The following TSPAN14 variants were observed in gnomAD, a reference collection of about 807,000 sequenced individuals.
The protein encoded by TSPAN14 is tetraspanin-14.
TSPAN14 carries 16 observed loss-of-function variants against 36.6 expected under a neutral mutation model. The ratio of observed to expected loss-of-function variants is 0.44; its 90% CI spans 0.30 to 0.66. The LOEUF (loss-of-function observed/expected upper bound fraction) is 0.66, where lower values mean the gene tolerates loss of function less well. Ranked by LOEUF, TSPAN14 falls within the 30% of genes least tolerant of loss-of-function variation. The pLI is 0.12. For synonymous variants in TSPAN14, 139 were observed against 143.8 expected (o/e 0.97, Z 0.24); for missense variants, 231 against 355.1 (o/e 0.65, Z 2.81).
rs1176896336 is a variant in TSPAN14, at chr10:80,509,343, G to A, written c.322G>A (p.Val108Met). The change falls in exon 5 of 9, where the codon GTG becomes ATG. Residue 108 changes from valine to methionine, a missense_variant. Transcript: ENST00000429989. This position sits in a 1 kb window ranked among gnomAD's most constrained non-coding sequence, Gnocchi z 4.7. ...GCTCATCTTCTTCCTGGAGCTGGCT[G>A]TGGCCGTGCTGGCCTTCCTGTTCCA... 6.2e-7 allele frequency: 1 copy of A among 1,614,144 alleles called. No individual in the cohort carries two copies. Among genetic ancestry groups the A allele is most frequent in the East Asian group, 2.2e-5 (1 of 44,874 alleles).
At chr10:80,508,813 C>T (rs911381895) in intron 4 of TSPAN14, among the ~76,000 whole-genome samples, 2 of 152,126 alleles carry the variant, frequency 1.3e-5, no homozygotes, top group African/African-American at 2.4e-5. Context: ...GTAACAGATA[C>T]GTAGGCACTC....
intron 2 of TSPAN14, among the ~76,000 whole-genome samples, chr10:80,492,968 A>C (rs1263862690): frequency 1.3e-5 from 2 of 152,184 alleles, no homozygotes; most frequent in African/African-American, 4.8e-5. Context: ...TGTGGATGCC[A>C]CTGATGTTTG....
At chr10:80,470,615 C>T (rs1450099700) in intron 1 of TSPAN14, among the ~76,000 whole-genome samples, 1 of 152,228 alleles carries the variant, frequency 6.6e-6, no homozygotes, top group Non-Finnish European at 1.5e-5. Flanking sequence ...GAGAACACTT[C>T]AAATCTACAT....
chr10:80,475,651 G>C (rs111772182), intron 1 of TSPAN14, among the ~76,000 whole-genome samples: 77 of 152,210 alleles, frequency 5.1e-4, no homozygotes, highest in African/African-American at 1.8e-3. Context: ...GCAGTGGCGC[G>C]ATCTTGGCTC....
intron 2 of TSPAN14, among the ~76,000 whole-genome samples, chr10:80,491,543 A>G (rs977711336): frequency 1.3e-5 from 2 of 152,102 alleles, no homozygotes; most frequent in South Asian, 2.1e-4. Flanking sequence ...CTCTCCCACT[A>G]CTGCTGTGGC....
Position 80,509,234 on chromosome 10 carries a change from G to A in TSPAN14, c.280-67G>A. 6.5e-7 allele frequency: 1 copy of A among 1,536,340 alleles called. No homozygotes were observed. The highest frequency in any genetic ancestry group is 8.9e-7 in the Non-Finnish European group (1 of 1,127,914). The stretch of plus-strand genomic sequence containing the variant: ...GAGGATGGTGGTTCTGGGTCAGGTG[G>A]GGTTATGTGTGTGGGGGTGCAGGCT... On this transcript the variant is annotated intron_variant, in intron 4 of 8. Coordinates refer to ENST00000429989, the Ensembl canonical transcript of TSPAN14. The surrounding 1 kb of genome is among the most constrained non-coding windows in gnomAD (Gnocchi z 4.7).
intron 6 of TSPAN14, 84 bp downstream of exon 6, chr10:80,512,353 ACTT>A: frequency 6.4e-7 from 1 of 1,551,560 alleles, no homozygotes; most frequent in Non-Finnish European, 8.7e-7. Context: ...GCTCTAGGAT[ACTT>A]CTCTGTCATG....
At chr10:80,476,970 C>G (rs1234277553) in intron 1 of TSPAN14, among the ~76,000 whole-genome samples, 1 of 152,166 alleles carries the variant, frequency 6.6e-6, no homozygotes, top group Non-Finnish European at 1.5e-5. Flanking sequence ...CACTTCTAGG[C>G]TCATTCAGGT....
chr10:80,473,927 C>T (rs1347339677), intron 1 of TSPAN14, among the ~76,000 whole-genome samples: 1 of 152,014 alleles, frequency 6.6e-6, no homozygotes, highest in African/African-American at 2.4e-5. Context: ...GCTGAGCAGC[C>T]TGCCCTGGCC....
At chr10:80,517,738 G>A in intron 8 of TSPAN14, among the ~76,000 whole-genome samples, 167 bp from the exon 9 acceptor site, 1 of 152,142 alleles carries the variant, frequency 6.6e-6, no homozygotes, top group African/African-American at 2.4e-5. Flanking sequence ...TGCGGGAGGG[G>A]TGGCTGTGCT....
chr10:80,521,982 C>T (rs560451831), exon 9 of TSPAN14: 2 of 149,362 alleles, frequency 1.3e-5, no homozygotes, highest in South Asian at 2.1e-4. Flanking sequence ...CTCAGGAAAA[C>T]ATGAAGTGGG....
chr10:80,487,147 C>T (rs908753371), intron 1 of TSPAN14, among the ~76,000 whole-genome samples: 2 of 152,178 alleles, frequency 1.3e-5, no homozygotes, highest in African/African-American at 2.4e-5. Flanking sequence ...TTATAGCTAC[C>T]GTTAGGTTAG....
intron 1 of TSPAN14, among the ~76,000 whole-genome samples, chr10:80,475,395 A>G (rs1477355078): frequency 6.6e-6 from 1 of 152,190 alleles, no homozygotes; most frequent in South Asian, 2.1e-4. Context: ...GTGAAACCCT[A>G]TTTCTACAAA....
intron 5 of TSPAN14, among the ~76,000 whole-genome samples, chr10:80,511,502 G>A (rs1232822982): frequency 6.6e-6 from 1 of 152,116 alleles, no homozygotes; most frequent in African/African-American, 2.4e-5. Flanking sequence ...GAGGCTGGAA[G>A]GAGGCGTCTC....
chr10:80,477,571 G>A (rs1283646049), intron 1 of TSPAN14, among the ~76,000 whole-genome samples: 2 of 152,166 alleles, frequency 1.3e-5, no homozygotes, highest in Non-Finnish European at 2.9e-5. Context: ...AGGAGTGGAT[G>A]GCATGAGATT....
Position 80,461,603 on chromosome 10 carries a change from T to C in TSPAN14, c.-18+7232T>C, listed in dbSNP as rs188262424. ...CAAGTGGCATGTGCCCAGGATGGGG[T>C]GGGGCGGGCAGGTTTAGTTGAGGGC... On this transcript the variant is annotated intron_variant, in intron 1 of 8. Transcript: ENST00000429989. Among the ~76,000 whole-genome samples, 179 of 151,752 alleles carry C rather than the reference T, an allele frequency of 1.2e-3. 1 individual carries two copies. Among genetic ancestry groups the C allele is most frequent in the Non-Finnish European group, 2.0e-3 (138 of 67,886 alleles).
At chr10:80,480,085 C>A (rs189593776) in intron 1 of TSPAN14, among the ~76,000 whole-genome samples, 2 of 150,572 alleles carry the variant, frequency 1.3e-5, no homozygotes, top group South Asian at 2.1e-4. Flanking sequence ...CATGATTTGG[C>A]TCTCTGTTTG....
intron 1 of TSPAN14, among the ~76,000 whole-genome samples, chr10:80,473,120 G>A (rs930701712): frequency 6.6e-6 from 1 of 152,120 alleles, no homozygotes; most frequent in African/African-American, 2.4e-5. Context: ...GCCTCCTGTA[G>A]CTTAAAAAAT....
chr10:80,503,842 T>C (rs1483553331), intron 2 of TSPAN14, among the ~76,000 whole-genome samples: 4 of 152,166 alleles, frequency 2.6e-5, no homozygotes, highest in Admixed American at 2.6e-4. Context: ...TGGTGATAAA[T>C]GGCAGTGAAA....
Sources: allele counts gnomAD v4.1 joint callset (sites outside exome capture counted in the v4.1 genomes callset), GRCh38; gene constraint gnomAD v4.1.1; non-coding constraint Gnocchi (gnomAD v3.1); transcripts MANE v1.5; gene names NCBI Gene and HGNC (gene_info 2026-07-23, HGNC 2026-07-21).